The following IRAG1 variants were observed in gnomAD, a reference collection of about 807,000 sequenced individuals.
The protein encoded by IRAG1 is inositol 1,4,5-triphosphate receptor associated 1.
IRAG1 carries 62 observed loss-of-function variants against 106.2 expected under a neutral mutation model. The observed-to-expected ratio is 0.58, with a 90% CI of 0.48 to 0.72. IRAG1 has a LOEUF of 0.72. Among genes scored for constraint, IRAG1 ranks in the 30% least tolerant of loss-of-function variants. IRAG1 has a pLI of 0.00. For synonymous variants in IRAG1, 462 were observed against 443.9 expected, an observed-to-expected ratio of 1.04 and a Z score of -0.51; for missense variants, 1,064 against 1,140.7, an observed-to-expected ratio of 0.93 and a Z score of 0.97.
rs11042902 is a variant in IRAG1, at chr11:10,634,076, C to T, written c.226-5G>A. On this transcript the variant is annotated splice_region_variant and splice_polypyrimidine_tract_variant and intron_variant, in intron 2 of 20. Transcript: ENST00000423302. Reference sequence around the variant, plus strand: ...TACTCCTGCGGCAGGAGGACCCTGCCGGTTTAGAACAAAAACACAGAGTTA... The same window carrying T: ...TACTCCTGCGGCAGGAGGACCCTGCTGGTTTAGAACAAAAACACAGAGTTA... 0.28 allele frequency: 444,664 copies of T among 1,585,126 alleles called. 66,537 individuals are homozygous for T. Among genetic ancestry groups the T allele is most frequent in the Non-Finnish European group, 0.31 (356,981 of 1,159,834 alleles).
At chr11:10,639,958 T>C (rs1010819779) in intron 2 of IRAG1, among the ~76,000 whole-genome samples, 1 of 152,174 alleles carries the variant, frequency 6.6e-6, no homozygotes, top group African/African-American at 2.4e-5. Context: ...TGAATGCCTA[T>C]TGTGGCCAGG....
At chr11:10,636,596 C>A (rs1857164533) in intron 2 of IRAG1, among the ~76,000 whole-genome samples, 1 of 152,176 alleles carries the variant, frequency 6.6e-6, no homozygotes, top group Admixed American at 6.5e-5. Flanking sequence ...CCACCATGTG[C>A]CAAAAGCAAC....
At position 10,631,978 on chromosome 11, in the gene IRAG1, C is replaced by T. The variant is rs1194089296; in HGVS notation, c.400+13G>A. On this transcript the variant is annotated intron_variant, in intron 4 of 20. Coordinates refer to ENST00000423302, the MANE Select transcript of IRAG1 (RefSeq NM_130385.4). ...TTTCTACTCAACATGCCTTAGATTG[C>T]CCTGGTCCTTACCCACAGATGTCAG... 1.2e-6 allele frequency: 2 copies of T among 1,612,228 alleles called. No individual in the cohort carries two copies. Among genetic ancestry groups the T allele is most frequent in the Non-Finnish European group, 1.7e-6 (2 of 1,178,860 alleles).
chr11:10,578,196 A>G (rs575450104), intron 20 of IRAG1, among the ~76,000 whole-genome samples: 2 of 152,364 alleles, frequency 1.3e-5, no homozygotes, highest in East Asian at 1.9e-4. Flanking sequence ...TTAGAAGTCA[A>G]TTTTTGGTTA....
rs1856374963 is a variant in IRAG1, at chr11:10,627,861, C to T, written c.706-101G>A. ...GCCCCCTAGCAGTGGTGTTCATGCC[C>T]TCCACCCAGCACCCTCATCTCCAGT... On this transcript the variant is annotated intron_variant, in intron 7 of 20. Transcript: ENST00000423302. 2.5e-6 allele frequency: 4 copies of T among 1,581,704 alleles called. No homozygotes were observed. In the Admixed American group the frequency reaches 6.8e-5, roughly 27 times the overall value.
chr11:10,672,104 G>T (rs1860282078), intron 1 of IRAG1, among the ~76,000 whole-genome samples: 1 of 152,200 alleles, frequency 6.6e-6, no homozygotes, highest in Admixed American at 6.5e-5. Context: ...GATGGGGAAA[G>T]AAGTCTTTTC....
At chr11:10,662,566 A>T (rs1054581456) in intron 1 of IRAG1, among the ~76,000 whole-genome samples, 2 of 152,244 alleles carry the variant, frequency 1.3e-5, no homozygotes, top group Non-Finnish European at 2.9e-5. Flanking sequence ...AGCCTAACAG[A>T]AGACCACAGA....
At chr11:10,649,752 T>G (rs1441241552) in intron 2 of IRAG1, among the ~76,000 whole-genome samples, 3 of 152,134 alleles carry the variant, frequency 2.0e-5, no homozygotes, top group African/African-American at 7.2e-5. Context: ...GAGGGTTCCA[T>G]GAGCTTGCCT....
intron 18 of IRAG1, among the ~76,000 whole-genome samples, chr11:10,586,801 A>C (rs937531079): frequency 3.3e-5 from 5 of 152,218 alleles, no homozygotes; most frequent in African/African-American, 1.2e-4. Context: ...AGATACCTGC[A>C]TATGACTGTC....
At chr11:10,650,914 C>CTAAG (rs1858432109) in intron 2 of IRAG1, among the ~76,000 whole-genome samples, 1 of 152,230 alleles carries the variant, frequency 6.6e-6, no homozygotes, top group Non-Finnish European at 1.5e-5. Flanking sequence ...TGTTTACTAT[C>CTAAG]TAAGTTCCCA....
chr11:10,630,028 A>G, intron 4 of IRAG1: 1 of 298,556 alleles, frequency 3.3e-6, no homozygotes, highest in South Asian at 6.9e-5. Flanking sequence ...CTGCGCCCCC[A>G]GTGCATTCTT....
rs1853932264 is a variant in IRAG1, at chr11:10,600,952, T to G, written c.1983A>C (p.Ala661=). Residue 661 remains alanine (A), a synonymous_variant, in exon 15 of 21, where the codon GCA becomes GCC. Transcript: ENST00000423302. The part of the protein sequence containing the change: ...HAELMEFKKL[A]NQNSSRSCGP... ...CACAGCTGCGGCTTGAATTCTGATTTGCAAGCTTTTTAAACTCCATGAGCT... is the reference window on the plus strand; with the variant it reads ...CACAGCTGCGGCTTGAATTCTGATTGGCAAGCTTTTTAAACTCCATGAGCT... 6.2e-7 allele frequency: 1 copy of G among 1,613,974 alleles called. No individual in the cohort carries two copies. Among genetic ancestry groups the G allele is most frequent in the Admixed American group, 1.7e-5 (1 of 60,012 alleles).
intron 4 of IRAG1, chr11:10,630,162 C>T (rs1181401904): frequency 2.6e-5 from 4 of 154,880 alleles, no homozygotes; most frequent in African/African-American, 9.6e-5. Flanking sequence ...CATTGTTCAC[C>T]CCATTTTTCT....
At position 10,629,620 on chromosome 11, in the gene IRAG1, C is replaced by T. The variant is rs764163534; in HGVS notation, c.492G>A (p.Leu164=). 6.2e-7 allele frequency: 1 copy of T among 1,614,028 alleles called. No homozygotes were observed. Among genetic ancestry groups the T allele is most frequent in the Non-Finnish European group, 8.5e-7 (1 of 1,179,882 alleles). The change falls in exon 5 of 21, where the codon CTG becomes CTA. Residue 164 remains leucine, a synonymous_variant. Transcript: ENST00000423302. ...EEDKKKNLAL[L]EEAKLVSERF... ...GCTCACTCACCAACTTGGCTTCTTC[C>T]AGCAGCGCCAGGTTTTTCTTCTTGT... is the stretch of plus-strand genomic sequence containing the variant.
At chr11:10,629,137 GA>G (rs1406687243) in intron 5 of IRAG1, among the ~76,000 whole-genome samples, 1 of 152,140 alleles carries the variant, frequency 6.6e-6, no homozygotes, top group Non-Finnish European at 1.5e-5. Context: ...TACAGCTCCA[GA>G]GGCTGCTCCT....
intron 1 of IRAG1, among the ~76,000 whole-genome samples, chr11:10,661,131 G>A (rs887975608): frequency 2.0e-5 from 3 of 151,928 alleles, no homozygotes; most frequent in East Asian, 1.9e-4. Flanking sequence ...CCCCTCTCTC[G>A]AGGCTGATCC....
At position 10,580,565 on chromosome 11, in the gene IRAG1, G is replaced by A; in HGVS notation, c.2385C>T (p.Thr795=). 2 of 1,613,710 alleles carry A rather than the reference G, an allele frequency of 1.2e-6. No homozygotes were observed. Among genetic ancestry groups the A allele is most frequent in the Non-Finnish European group, 8.5e-7 (1 of 1,179,830 alleles). Residue 795 remains threonine (T), a synonymous_variant, in exon 20 of 21, where the codon ACC becomes ACT. Coordinates refer to ENST00000423302, the MANE Select transcript of IRAG1 (RefSeq NM_130385.4). ...CCTCCTTCAGGTCTTGAAGTTCTTT[G>A]GTCTTCTTTAGACCTTCTTGGAATC... ...SKGFQEGLKK[T]KELQDLKEEE... is the part of the protein sequence containing the mutation.
intron 2 of IRAG1, among the ~76,000 whole-genome samples, chr11:10,643,176 C>CAAA (rs10679269): frequency 0.24 from 14,105 of 59,870 alleles, 2,394 homozygotes; most frequent in Middle Eastern, 0.43. Context: ...GACTCCGTCT[C>CAAA]AAAAAAAAAA....
At chr11:10,668,663 TA>T (rs71965271) in intron 1 of IRAG1, among the ~76,000 whole-genome samples, 181 of 152,332 alleles carry the variant, frequency 1.2e-3, no homozygotes, top group Middle Eastern at 6.8e-3. Context: ...TAATTGCAAT[TA>T]TTTTTTTATA....
Sources: allele counts gnomAD v4.1 joint callset (sites outside exome capture counted in the v4.1 genomes callset), GRCh38; gene constraint gnomAD v4.1.1; transcripts MANE v1.5; gene names NCBI Gene and HGNC (gene_info 2026-07-23, HGNC 2026-07-21).